The following IL1RAPL2 variants were observed in gnomAD, a reference collection of about 807,000 sequenced individuals.
The protein encoded by IL1RAPL2 is X-linked interleukin-1 receptor accessory protein-like 2.
A neutral mutation model predicts 44.1 loss-of-function variants in IL1RAPL2; 3 were observed. The ratio of observed to expected loss-of-function variants is 0.07; its 90% CI spans 0.03 to 0.18. The LOEUF (loss-of-function observed/expected upper bound fraction) is 0.18. Ranked by LOEUF, IL1RAPL2 falls within the 10% of genes least tolerant of loss-of-function variation. The probability of loss-of-function intolerance (pLI) is 1.00; values close to 1 mark genes in which losing one functional copy is unlikely to be tolerated. For missense variants in IL1RAPL2, 391 were observed against 496.4 expected, an observed-to-expected ratio of 0.79 and a Z score of 2.02; for synonymous variants, 181 against 178.8, an observed-to-expected ratio of 1.01 and a Z score of -0.10.
intron 6 of IL1RAPL2, among the ~76,000 whole-genome samples, chrX:105,629,742 C>A (rs2147834618): frequency 8.9e-6 from 1 of 111,966 alleles, no homozygotes; most frequent in East Asian, 2.8e-4. Context: ...ATGTATCCAT[C>A]TGTTAAATTA....
intron 2 of IL1RAPL2, among the ~76,000 whole-genome samples, chrX:104,993,987 A>G (rs1421447115): frequency 4.5e-5 from 5 of 111,848 alleles, no homozygotes; most frequent in Non-Finnish European, 9.4e-5. Flanking sequence ...ATTTTTATGT[A>G]TATTAAAATT....
intron 2 of IL1RAPL2, among the ~76,000 whole-genome samples, chrX:104,761,032 G>A (rs1276257511): frequency 9.0e-6 from 1 of 111,621 alleles, no homozygotes; most frequent in East Asian, 2.8e-4. Context: ...TTATCGAAGA[G>A]ATTGCCTTTT....
intron 6 of IL1RAPL2, among the ~76,000 whole-genome samples, chrX:105,678,354 C>T (rs2037892071): frequency 1.8e-5 from 2 of 111,951 alleles, no homozygotes; most frequent in Non-Finnish European, 1.9e-5. Flanking sequence ...ACAAACAATC[C>T]AGTTATACTC....
chrX:105,693,164 C>T (rs765027680), intron 6 of IL1RAPL2, among the ~76,000 whole-genome samples: 2 of 111,518 alleles, frequency 1.8e-5, no homozygotes, highest in Non-Finnish European at 3.8e-5. Context: ...TGTCCTAATC[C>T]CCAGAATTTG....
At chrX:105,733,446 TTAAA>T (rs1212720613) in intron 7 of IL1RAPL2, among the ~76,000 whole-genome samples, 4 of 111,497 alleles carry the variant, frequency 3.6e-5, no homozygotes, top group Non-Finnish European at 7.5e-5. Context: ...AGCTTATTAA[TTAAA>T]TATTTCTACT....
At chrX:105,337,298 G>A (rs2035035763) in intron 5 of IL1RAPL2, among the ~76,000 whole-genome samples, 1 of 112,151 alleles carries the variant, frequency 8.9e-6, no homozygotes. Flanking sequence ...TAAGAAGAAT[G>A]TAAAAGAAAA....
intron 6 of IL1RAPL2, among the ~76,000 whole-genome samples, chrX:105,693,996 A>G (rs941960424): frequency 8.9e-6 from 1 of 111,906 alleles, no homozygotes. Context: ...TATAAGATAA[A>G]TTTGTGTTAT....
chrX:104,624,074 T>A (rs1929450250), intron 1 of IL1RAPL2, among the ~76,000 whole-genome samples: 1 of 111,928 alleles, frequency 8.9e-6, no homozygotes, highest in African/African-American at 3.2e-5. Context: ...CTTAGCTTAA[T>A]GATTGTCAAA....
chrX:105,037,016 A>G (rs1241928115), intron 2 of IL1RAPL2, among the ~76,000 whole-genome samples: 1 of 112,291 alleles, frequency 8.9e-6, no homozygotes, highest in Non-Finnish European at 1.9e-5. Context: ...ACGGAAATCT[A>G]GAAGATGAAG....
rs782631025 is a variant in IL1RAPL2, at chrX:105,219,784, G to T, written c.357-14034G>T. 14 of 1,177,251 alleles carry T rather than the reference G, an allele frequency of 1.2e-5. No homozygotes were observed. In the African/African-American group the frequency reaches 2.1e-4, roughly 18 times the overall value. The stretch of plus-strand genomic sequence containing the variant: ...CTGGAGAGAAGTGGGCAGGGCTGAG[G>T]TGTGTTCTGGGGGCAAGGCGGGAGC... On this transcript the variant is annotated intron_variant, in intron 3 of 10. Coordinates refer to ENST00000372582, the MANE Select transcript of IL1RAPL2 (RefSeq NM_017416.2).
At chrX:105,447,067 G>A in intron 5 of IL1RAPL2, among the ~76,000 whole-genome samples, 1 of 20,029 alleles carries the variant, frequency 5.0e-5, no homozygotes, top group Non-Finnish European at 1.1e-4. Context: ...TAGTATATCT[G>A]GTTAAAATTA....
At chrX:105,554,296 T>C (rs1450911833) in intron 6 of IL1RAPL2, among the ~76,000 whole-genome samples, 1 of 112,768 alleles carries the variant, frequency 8.9e-6, no homozygotes, top group Non-Finnish European at 1.9e-5. Context: ...TATTTATCCC[T>C]CTGGCTACTA....
chrX:104,675,754 C>A (rs920409705), intron 2 of IL1RAPL2, among the ~76,000 whole-genome samples: 4 of 110,109 alleles, frequency 3.6e-5, no homozygotes, highest in African/African-American at 1.3e-4. Flanking sequence ...GTAGGTCACT[C>A]AGGACTTGCT....
chrX:105,254,748 G>T (rs1016450158), intron 4 of IL1RAPL2, among the ~76,000 whole-genome samples: 2 of 111,785 alleles, frequency 1.8e-5, no homozygotes, highest in Admixed American at 1.9e-4. Flanking sequence ...TAAGGAAGGG[G>T]TTCACCTTCA....
At chrX:104,946,738 C>T (rs1338269509) in intron 2 of IL1RAPL2, among the ~76,000 whole-genome samples, 2 of 100,981 alleles carry the variant, frequency 2.0e-5, no homozygotes, top group Non-Finnish European at 4.0e-5. Flanking sequence ...CTACAAAGGA[C>T]ATGAACTCAT....
rs747299775 is a variant in IL1RAPL2 at position 105,519,386 on chromosome X, G to C, written c.772+34999G>C. 2.7e-5 allele frequency among the ~76,000 whole-genome samples: 3 copies of C among 111,602 alleles called. No individual in the cohort carries two copies. The South Asian group carries it at 1.1e-3, about 42-fold the overall frequency. The stretch of plus-strand genomic sequence containing the variant: ...CTCGAAGCTTTGACAGTGCTTCAGA[G>C]GGGGGATGGTAAGAATATAATTTAT... On this transcript the variant is annotated intron_variant, in intron 6 of 10. Transcript: ENST00000372582.
At chrX:104,894,360 A>G (rs1923569026) in intron 2 of IL1RAPL2, among the ~76,000 whole-genome samples, 2 of 111,802 alleles carry the variant, frequency 1.8e-5, no homozygotes, top group African/African-American at 3.3e-5. Context: ...CTTCTCCTGG[A>G]TAATATCCTG....
chrX:105,635,419 G>C (rs1569460418), intron 6 of IL1RAPL2, among the ~76,000 whole-genome samples: 1 of 111,788 alleles, frequency 8.9e-6, no homozygotes, highest in Non-Finnish European at 1.9e-5. Context: ...AAGAAGACCA[G>C]AGGTTGACAG....
chrX:104,693,031 G>A lies in IL1RAPL2; in HGVS notation c.82+34036G>A, dbSNP rs149196023. ...GTTGTTTTCTGACTTTTTAATGATC[G>A]CCATTCTAACTGGTGTGATTATATT... On this transcript the variant is annotated intron_variant, in intron 2 of 10. Transcript: ENST00000372582. 7.6e-3 allele frequency among the ~76,000 whole-genome samples: 853 copies of A among 111,564 alleles called. 7 individuals are homozygous for A. Among genetic ancestry groups the A allele is most frequent in the Non-Finnish European group, 9.8e-3 (518 of 53,085 alleles).
Sources: allele counts gnomAD v4.1 joint callset (sites outside exome capture counted in the v4.1 genomes callset), GRCh38; gene constraint gnomAD v4.1.1; transcripts MANE v1.5; gene names NCBI Gene and HGNC (gene_info 2026-07-23, HGNC 2026-07-21).